GPC6: variants seen among roughly 807,000 people sequenced by gnomAD.
GPC6 encodes glypican 6, also known as glypican-6.
A neutral mutation model predicts 55.2 loss-of-function variants in GPC6; 14 were observed. The ratio of observed to expected loss-of-function variants is 0.25; its 90% CI spans 0.17 to 0.40. The LOEUF (loss-of-function observed/expected upper bound fraction) is 0.40, where lower values mean the gene tolerates loss of function less well. Ranked by LOEUF, GPC6 falls within the 10% of genes least tolerant of loss-of-function variation. The probability of loss-of-function intolerance (pLI) is 1.00; values close to 1 mark genes in which losing one functional copy is unlikely to be tolerated. For synonymous variants in GPC6, 278 were observed against 259.6 expected, an observed-to-expected ratio of 1.07 and a Z score of -0.68; for missense variants, 641 against 708.5, an observed-to-expected ratio of 0.90 and a Z score of 1.08.
intron 3 of GPC6, among the ~76,000 whole-genome samples, chr13:93,866,464 A>G (rs1888967868): frequency 6.6e-6 from 1 of 151,930 alleles, no homozygotes; most frequent in East Asian, 2.0e-4. Flanking sequence ...ACATGGAATC[A>G]ACCTAAATTC....
rs1249646813 is a variant in GPC6, at chr13:93,555,407, G to A, written c.319+9986G>A. ...ATATTTAATAATGCTGCAGTGTTGT[G>A]TGACAATGGTAGCAACCTGTGCAGT... On this transcript the variant is annotated intron_variant, in intron 2 of 8. Coordinates refer to ENST00000377047, the MANE Select transcript of GPC6 (RefSeq NM_005708.5). Among the ~76,000 whole-genome samples the A allele has an allele frequency of 3.3e-5, 5 of 152,122 alleles. No homozygotes were observed. In the South Asian group the frequency reaches 1.0e-3, roughly 31 times the overall value.
chr13:94,038,985 T>G (rs892399176), intron 4 of GPC6, among the ~76,000 whole-genome samples: 1 of 151,934 alleles, frequency 6.6e-6, no homozygotes, highest in African/African-American at 2.4e-5. Flanking sequence ...TTTGCCTTAG[T>G]TCCTGAGATG....
Position 93,676,106 on chromosome 13 carries a change from TAAAAAAAAA to T in GPC6, c.319+130698_319+130706del, listed in dbSNP as rs760322815. 3.4e-3 allele frequency among the ~76,000 whole-genome samples: 78 copies of T among 23,088 alleles called. 1 individual carries two copies. The highest frequency in any genetic ancestry group is 7.4e-3 in the African/African-American group (74 of 9,948). The allele number at this position is 23,088 out of a possible 152,430, so 15.1% of individuals were successfully genotyped here. On this transcript the variant is annotated intron_variant, in intron 2 of 8. Transcript: ENST00000377047. Reference sequence around the variant, plus strand: ...GCCAACACAGCAAAACTGTTTCTACTAAAAAAAAAAAAAAAAAAAAATATATATATATAT... The same window carrying T: ...GCCAACACAGCAAAACTGTTTCTACTAAAAAAAAAAAATATATATATATAT...
intron 1 of GPC6, among the ~76,000 whole-genome samples, chr13:93,324,544 G>GTGTA (rs1259654616): frequency 2.3e-5 from 3 of 132,948 alleles, no homozygotes; most frequent in Admixed American, 1.6e-4. Flanking sequence ...ATGTATGTGT[G>GTGTA]TATATATATA....
At chr13:94,138,401 A>T (rs1566453940) in intron 4 of GPC6, among the ~76,000 whole-genome samples, 1 of 152,290 alleles carries the variant, frequency 6.6e-6, no homozygotes, top group South Asian at 2.1e-4. Flanking sequence ...ATCTCAAAGA[A>T]CTTCCATTCC....
intron 2 of GPC6, among the ~76,000 whole-genome samples, chr13:93,578,841 A>C (rs1040305044): frequency 6.6e-5 from 10 of 151,872 alleles, no homozygotes; most frequent in Non-Finnish European, 1.5e-5. Flanking sequence ...CTTCCCTCTC[A>C]GTACTACTTT....
intron 4 of GPC6, among the ~76,000 whole-genome samples, chr13:94,075,047 T>G (rs766381511): frequency 2.6e-5 from 4 of 152,226 alleles, no homozygotes; most frequent in Non-Finnish European, 4.4e-5. Flanking sequence ...ATTATAAATT[T>G]GTATAAACCC....
intron 4 of GPC6, among the ~76,000 whole-genome samples, chr13:94,196,224 A>G (rs2138969292): frequency 6.6e-6 from 1 of 151,930 alleles, no homozygotes; most frequent in Admixed American, 6.6e-5. Flanking sequence ...ACAGCACAAG[A>G]ATATCTCTTA....
chr13:94,302,611 A>G (rs1317364234), intron 5 of GPC6, among the ~76,000 whole-genome samples: 2 of 152,210 alleles, frequency 1.3e-5, no homozygotes, highest in African/African-American at 4.8e-5. Flanking sequence ...TTTTTTTATC[A>G]TTTCTAAGCA....
At chr13:94,043,263 C>T (rs1479930392) in intron 4 of GPC6, among the ~76,000 whole-genome samples, 6 of 151,796 alleles carry the variant, frequency 4.0e-5, no homozygotes, top group Admixed American at 1.3e-4. Flanking sequence ...ACTGGAGGGT[C>T]ATTGCTATGA....
rs1025578320 is a variant in GPC6, at chr13:93,589,709, C to A, written c.319+44288C>A. Among the ~76,000 whole-genome samples the A allele has an allele frequency of 2.0e-5, 3 of 152,022 alleles. 1 individual carries two copies. The highest frequency in any genetic ancestry group is 6.6e-5 in the Admixed American group (1 of 15,234). On this transcript the variant is annotated intron_variant, in intron 2 of 8. Transcript: ENST00000377047. ...GAAATATGAAATGAGGCCATTTGACCCTTTGATTAGTAAATGCATTTATTG... is the reference window on the plus strand; with the variant it reads ...GAAATATGAAATGAGGCCATTTGACACTTTGATTAGTAAATGCATTTATTG...
intron 2 of GPC6, among the ~76,000 whole-genome samples, chr13:93,553,694 C>CA (rs34521652): frequency 0.17 from 9,616 of 56,242 alleles, 1,030 homozygotes; most frequent in East Asian, 0.31. Flanking sequence ...GACTCCATCT[C>CA]AAAAAAAAAA....
intron 4 of GPC6, among the ~76,000 whole-genome samples, chr13:94,072,604 G>A (rs910377864): frequency 7.2e-5 from 11 of 152,108 alleles, no homozygotes; most frequent in African/African-American, 2.4e-4. Flanking sequence ...TGCCCGCCTC[G>A]GCCTCCCAAA....
intron 6 of GPC6, among the ~76,000 whole-genome samples, chr13:94,338,038 T>C (rs558748537): frequency 6.6e-6 from 1 of 152,360 alleles, no homozygotes; most frequent in South Asian, 2.1e-4. Context: ...GCTGCATCCT[T>C]TCACTTGTCT....
Position 93,440,157 on chromosome 13 carries a change from G to A in GPC6, c.161-105106G>A, listed in dbSNP as rs185417312. 3.3e-5 allele frequency among the ~76,000 whole-genome samples: 5 copies of A among 152,276 alleles called. No homozygotes were observed. In the South Asian group the frequency reaches 6.2e-4, roughly 19 times the overall value. On this transcript the variant is annotated intron_variant, in intron 1 of 8. Transcript: ENST00000377047. ...TGAGACCTGATAATCAAGGCCAAGAGTATCATATAAAAAATTTTCTCATAA... is the reference window on the plus strand; with the variant it reads ...TGAGACCTGATAATCAAGGCCAAGAATATCATATAAAAAATTTTCTCATAA...
intron 1 of GPC6, among the ~76,000 whole-genome samples, chr13:93,543,861 T>C (rs1005258203): frequency 6.6e-6 from 1 of 152,170 alleles, no homozygotes; most frequent in Non-Finnish European, 1.5e-5. Context: ...TGGATGCTAT[T>C]TGTAGTCTTT....
chr13:93,825,389 C>T (rs879621247), intron 2 of GPC6, among the ~76,000 whole-genome samples: 4 of 152,218 alleles, frequency 2.6e-5, no homozygotes, highest in African/African-American at 4.8e-5. Context: ...CTAGGGTCAT[C>T]TACTGCTCAA....
chr13:93,580,748 T>C (rs1876895762), intron 2 of GPC6, among the ~76,000 whole-genome samples: 1 of 152,198 alleles, frequency 6.6e-6, no homozygotes, highest in Admixed American at 6.5e-5. Flanking sequence ...TGGAATATAA[T>C]TTTTCCTTTA....
At chr13:93,668,409 T>C (rs1284699485) in intron 2 of GPC6, among the ~76,000 whole-genome samples, 1 of 152,228 alleles carries the variant, frequency 6.6e-6, no homozygotes, top group Non-Finnish European at 1.5e-5. Flanking sequence ...TCTTGCCTGA[T>C]AGTGTAGTGG....
Sources: gnomAD v4.1 joint callset for allele counts (sites outside exome capture counted in the v4.1 genomes callset) on GRCh38, gnomAD v4.1.1 for gene constraint, MANE v1.5 for transcripts, NCBI Gene and HGNC (gene_info 2026-07-23, HGNC 2026-07-21) for gene names.